Variants in SOX6 observed in about 807,000 individuals in gnomAD.
SOX6 encodes transcription factor SOX-6.
SOX6 carries 11 observed loss-of-function variants against 97.8 expected under a neutral mutation model. The observed-to-expected ratio is 0.11, with a 90% CI of 0.07 to 0.19. The LOEUF is 0.19. Among genes scored for constraint, SOX6 ranks in the 10% least tolerant of loss-of-function variants. The pLI is 1.00. For synonymous variants in SOX6, 360 were observed against 371.4 expected (o/e 0.97, Z 0.35); for missense variants, 810 against 1,039.5 (o/e 0.78, Z 3.04).
At chr11:16,523,967 G>C (rs1861114147) in intron 4 of SOX6, among the ~76,000 whole-genome samples, 1 of 152,110 alleles carries the variant, frequency 6.6e-6, no homozygotes, top group African/African-American at 2.4e-5. Context: ...CCCATAACAG[G>C]CTCTGAAATT....
intron 1 of SOX6, among the ~76,000 whole-genome samples, chr11:16,425,954 G>GA (rs34187856): frequency 7.8e-4 from 115 of 147,670 alleles, no homozygotes; most frequent in South Asian, 5.8e-3. Flanking sequence ...TACAGAACTA[G>GA]AAAAAAAAAA....
chr11:16,217,098 C>T (rs12791361), intron 4 of SOX6, among the ~76,000 whole-genome samples: 12,049 of 152,266 alleles, frequency 0.079, 668 homozygotes, highest in South Asian at 0.17. Flanking sequence ...ACAGCATGGT[C>T]GTGCCCATTT....
At position 16,234,527 on chromosome 11, in the gene SOX6, T is replaced by A. The variant is rs1852957408; in HGVS notation, c.535+55A>T. Reference sequence around the variant, plus strand: ...CAGAAGATCAGCAAATACATTGTTATACAAAATAACATCACATCACTGCAT... The same window carrying A: ...CAGAAGATCAGCAAATACATTGTTAAACAAAATAACATCACATCACTGCAT... On this transcript the variant is annotated intron_variant, in intron 4 of 15. Transcript: ENST00000683767. The A allele has an allele frequency of 4.8e-6, 5 of 1,051,718 alleles. No homozygotes were observed. In the East Asian group the frequency reaches 1.3e-4, roughly 27 times the overall value. 65.1% of individuals were successfully genotyped at this position (1,051,718 alleles called of 1,614,324 possible).
chr11:15,995,459 T>C (rs1854195380), intron 13 of SOX6, among the ~76,000 whole-genome samples: 1 of 152,130 alleles, frequency 6.6e-6, no homozygotes, highest in Non-Finnish European at 1.5e-5. Context: ...AGGAAGATAA[T>C]AGAATACAGA....
intron 2 of SOX6, among the ~76,000 whole-genome samples, chr11:16,328,211 G>C (rs920482020): frequency 6.6e-6 from 1 of 151,962 alleles, no homozygotes; most frequent in African/African-American, 2.4e-5. Context: ...CCCTAAAATA[G>C]GTCCAAATAT....
intron 4 of SOX6, among the ~76,000 whole-genome samples, chr11:16,593,007 G>T (rs34812104): frequency 0.16 from 24,610 of 151,594 alleles, 2,105 homozygotes; most frequent in Non-Finnish European, 0.18. Flanking sequence ...TATGGCTCTC[G>T]GTAGTGAAAT....
At chr11:16,421,696 C>G (rs561063373) in intron 1 of SOX6, among the ~76,000 whole-genome samples, 30 of 152,242 alleles carry the variant, frequency 2.0e-4, no homozygotes, top group Middle Eastern at 6.8e-3. Flanking sequence ...TATGACTGTT[C>G]TTGTTCTTTT....
chr11:16,343,959 C>T lies in SOX6; in HGVS notation c.-4-2707G>A, dbSNP rs752051955. ...AGTGTTCATTCTCAGTTCACACTAT[C>T]GTTAGAGGAAAAGGAGACAGGGGAG... On this transcript the variant is annotated intron_variant, in intron 1 of 15. Coordinates refer to ENST00000683767, the MANE Select transcript of SOX6 (RefSeq NM_001367873.1). 3.9e-5 allele frequency among the ~76,000 whole-genome samples: 6 copies of T among 151,964 alleles called. No individual in the cohort carries two copies. In the South Asian group the frequency reaches 1.0e-3, roughly 26 times the overall value.
chr11:16,452,792 G>C (rs1859743063), intron 1 of SOX6, among the ~76,000 whole-genome samples: 1 of 152,092 alleles, frequency 6.6e-6, no homozygotes, highest in Non-Finnish European at 1.5e-5. Context: ...TCAGTGTAAA[G>C]GATCCCTGAA....
chr11:16,541,502 A>C (rs1861408059), intron 4 of SOX6, among the ~76,000 whole-genome samples: 1 of 152,242 alleles, frequency 6.6e-6, no homozygotes, highest in Non-Finnish European at 1.5e-5. Flanking sequence ...TGCACAGCAA[A>C]AGAAACTATC....
At chr11:16,063,688 C>A (rs1455018746) in intron 9 of SOX6, among the ~76,000 whole-genome samples, 3 of 148,878 alleles carry the variant, frequency 2.0e-5, no homozygotes, top group Non-Finnish European at 4.5e-5. Context: ...TTCCAATAAT[C>A]ACCCCAATTC....
intron 3 of SOX6, among the ~76,000 whole-genome samples, chr11:16,622,627 C>T (rs367990318): frequency 1.1e-4 from 16 of 152,182 alleles, no homozygotes; most frequent in African/African-American, 3.9e-4. Context: ...GAGTAGTATT[C>T]CATCATATAT....
At chr11:16,630,586 T>C (rs1848692287) in intron 3 of SOX6, among the ~76,000 whole-genome samples, 1 of 152,206 alleles carries the variant, frequency 6.6e-6, no homozygotes, top group Admixed American at 6.5e-5. Context: ...TGGATTGTTC[T>C]GTAGATGTCT....
chr11:16,005,977 C>A (rs1034950913), intron 13 of SOX6, among the ~76,000 whole-genome samples: 1 of 151,740 alleles, frequency 6.6e-6, no homozygotes, highest in Admixed American at 6.6e-5. Flanking sequence ...TAAAAAAAAA[C>A]CCGCACTCCT....
intron 11 of SOX6, 105 bp downstream of exon 11, chr11:16,049,650 T>A: frequency 7.5e-7 from 1 of 1,337,544 alleles, no homozygotes; most frequent in Non-Finnish European, 1.0e-6. Flanking sequence ...AGTATTATCT[T>A]TTACTAAGGA....
chr11:16,117,673 A>G (rs1473985159), intron 6 of SOX6, among the ~76,000 whole-genome samples: 2 of 152,136 alleles, frequency 1.3e-5, no homozygotes, highest in Non-Finnish European at 2.9e-5. Context: ...CTTTTATGGA[A>G]GTTGTGTATT....
intron 4 of SOX6, among the ~76,000 whole-genome samples, chr11:16,535,046 C>G (rs915048263): frequency 2.6e-5 from 4 of 152,102 alleles, no homozygotes; most frequent in Admixed American, 6.6e-5. Context: ...AATACAATGT[C>G]TTCATAATGA....
intron 3 of SOX6, among the ~76,000 whole-genome samples, chr11:16,260,946 A>G (rs540676514): frequency 6.6e-6 from 1 of 152,142 alleles, no homozygotes; most frequent in Non-Finnish European, 1.5e-5. Context: ...GCTATCTGCT[A>G]TATTCCTTCT....
chr11:16,399,563 C>G (rs1858489191), intron 1 of SOX6, among the ~76,000 whole-genome samples: 1 of 151,172 alleles, frequency 6.6e-6, no homozygotes, highest in Non-Finnish European at 1.5e-5. Flanking sequence ...AAATGTCTCT[C>G]CTAAGGAAAT....
Sources: gnomAD v4.1 joint callset for allele counts (sites outside exome capture counted in the v4.1 genomes callset) on GRCh38, gnomAD v4.1.1 for gene constraint, MANE v1.5 for transcripts, NCBI Gene and HGNC (gene_info 2026-07-23, HGNC 2026-07-21) for gene names.